Variants in SHOC2 observed in about 807,000 individuals in gnomAD.
SHOC2 encodes the protein SHOC2 leucine rich repeat scaffold protein.
SHOC2 carries 4 observed loss-of-function variants against 50.2 expected under a neutral mutation model. The observed-to-expected ratio is 0.08, with a 90% CI of 0.04 to 0.18. The LOEUF is 0.18. Ranked by LOEUF, SHOC2 falls within the 10% of genes least tolerant of loss-of-function variation. SHOC2 has a pLI of 1.00. For synonymous variants in SHOC2, 218 were observed against 244.5 expected, an observed-to-expected ratio of 0.89 and a Z score of 1.01; for missense variants, 388 against 669.6, an observed-to-expected ratio of 0.58 and a Z score of 4.64.
chr10:111,006,786 G>A (rs1468965905), intron 5 of SHOC2, among the ~76,000 whole-genome samples: 7 of 152,160 alleles, frequency 4.6e-5, no homozygotes, highest in African/African-American at 1.7e-4. Flanking sequence ...ATGGGGTGTT[G>A]ATTATCCTCT....
At chr10:110,947,505 G>A (rs1236402577) in intron 1 of SHOC2, among the ~76,000 whole-genome samples, 1 of 152,166 alleles carries the variant, frequency 6.6e-6, no homozygotes, top group African/African-American at 2.4e-5. Flanking sequence ...TCAGGGAAAC[G>A]TGACACCATC....
chr10:110,954,133 C>G (rs1401529245), intron 1 of SHOC2, among the ~76,000 whole-genome samples: 2 of 151,044 alleles, frequency 1.3e-5, no homozygotes, highest in Non-Finnish European at 3.0e-5. Context: ...TGTTTATATT[C>G]CAATTTAGTG....
chr10:110,955,748 T>G (rs184341879), intron 1 of SHOC2, among the ~76,000 whole-genome samples: 1 of 152,244 alleles, frequency 6.6e-6, no homozygotes, highest in African/African-American at 2.4e-5. Flanking sequence ...TATTATAATT[T>G]CTTTTTTACT....
intron 5 of SHOC2, among the ~76,000 whole-genome samples, chr10:111,006,264 A>G (rs1265662357): frequency 2.0e-5 from 3 of 152,284 alleles, no homozygotes; most frequent in Non-Finnish European, 2.9e-5. Flanking sequence ...AAATATTACA[A>G]TAAAAGAAAA....
chr10:110,936,993 A>G, intron 1 of SHOC2: 1 of 1,469,902 alleles, frequency 6.8e-7, no homozygotes. Context: ...ACAGTCAGCC[A>G]GAAGATGGGG....
chr10:110,999,460 G>A (rs561689176), intron 3 of SHOC2, among the ~76,000 whole-genome samples: 1 of 151,938 alleles, frequency 6.6e-6, no homozygotes, highest in South Asian at 2.1e-4. Flanking sequence ...ATGCTCAGCT[G>A]GGCGCAGTGG....
At chr10:111,009,188 A>C (rs1413161339) in intron 6 of SHOC2, 60 bp from the exon 7 acceptor site, 3 of 1,194,692 alleles carry the variant, frequency 2.5e-6, no homozygotes, top group Admixed American at 3.5e-5. Context: ...TAAGCCACAC[A>C]ATGACAGTAT....
At chr10:110,925,943 C>T (rs534261347) in intron 1 of SHOC2, among the ~76,000 whole-genome samples, 228 of 152,218 alleles carry the variant, frequency 1.5e-3, no homozygotes, top group African/African-American at 5.1e-3. Context: ...AATATTTTAG[C>T]AATTGCCTTA....
chr10:111,001,058 ATCTTT>A (rs1848362158), intron 4 of SHOC2, among the ~76,000 whole-genome samples: 6 of 70,732 alleles, frequency 8.5e-5, no homozygotes, highest in Middle Eastern at 7.0e-3. Flanking sequence ...AATCGCCAGA[ATCTTT>A]TTTTTTTTTT....
intron 2 of SHOC2, among the ~76,000 whole-genome samples, chr10:110,976,441 C>T (rs1042857264): frequency 6.6e-6 from 1 of 151,284 alleles, no homozygotes; most frequent in South Asian, 2.1e-4. Flanking sequence ...CCTCCCGAGT[C>T]GCTGGGACTA....
chr10:110,941,942 T>A (rs1847153842), intron 1 of SHOC2, among the ~76,000 whole-genome samples: 2 of 152,238 alleles, frequency 1.3e-5, no homozygotes, highest in African/African-American at 4.8e-5. Context: ...TTAGTTGAAT[T>A]AATTTTATAT....
At chr10:110,956,946 T>G (rs1426221001) in intron 1 of SHOC2, among the ~76,000 whole-genome samples, 1 of 152,154 alleles carries the variant, frequency 6.6e-6, no homozygotes, top group Non-Finnish European at 1.5e-5. Flanking sequence ...AAGAAAAGGT[T>G]CTAGCTGACC....
intron 1 of SHOC2, among the ~76,000 whole-genome samples, chr10:110,933,034 G>T (rs1053186772): frequency 5.3e-5 from 8 of 152,048 alleles, no homozygotes; most frequent in African/African-American, 1.9e-4. Context: ...TGTAATTCTG[G>T]CTGGAAGTAG....
At chr10:110,997,255 T>C (rs1316918326) in intron 3 of SHOC2, among the ~76,000 whole-genome samples, 1 of 151,970 alleles carries the variant, frequency 6.6e-6, no homozygotes, top group Non-Finnish European at 1.5e-5. Flanking sequence ...AAAATATTCA[T>C]CCAAAAGAAA....
intron 4 of SHOC2, among the ~76,000 whole-genome samples, chr10:111,001,063 T>TA (rs1189100362): frequency 1.3e-5 from 2 of 151,546 alleles, no homozygotes; most frequent in Admixed American, 1.3e-4. Flanking sequence ...CCAGAATCTT[T>TA]TTTTTTTTTT....
At chr10:110,993,542 A>G (rs1226330178) in intron 3 of SHOC2, among the ~76,000 whole-genome samples, 1 of 152,196 alleles carries the variant, frequency 6.6e-6, no homozygotes, top group Non-Finnish European at 1.5e-5. Flanking sequence ...ACATTGTTAG[A>G]AATTCAACCC....
At chr10:110,921,017 A>C (rs1846635461) in intron 1 of SHOC2, among the ~76,000 whole-genome samples, 1 of 152,222 alleles carries the variant, frequency 6.6e-6, no homozygotes, top group Admixed American at 6.5e-5. Context: ...AAATGCAGCA[A>C]CACCACTGAA....
chr10:110,933,416 T>C (rs1047983366), intron 1 of SHOC2, among the ~76,000 whole-genome samples: 5 of 152,168 alleles, frequency 3.3e-5, no homozygotes, highest in Admixed American at 6.5e-5. Flanking sequence ...TAAATACTTA[T>C]GTTTGTACAA....
At chr10:110,993,185 A>G (rs892095549) in intron 3 of SHOC2, among the ~76,000 whole-genome samples, 3 of 152,240 alleles carry the variant, frequency 2.0e-5, no homozygotes, top group African/African-American at 7.2e-5. Flanking sequence ...ACAGGAGCTC[A>G]GCAACAATGA....
Sources: gnomAD v4.1 joint callset for allele counts (sites outside exome capture counted in the v4.1 genomes callset) on GRCh38, gnomAD v4.1.1 for gene constraint, MANE v1.5 for transcripts, NCBI Gene and HGNC (gene_info 2026-07-23, HGNC 2026-07-21) for gene names.